ALK: variants seen among roughly 807,000 people sequenced by gnomAD.
ALK encodes ALK tyrosine kinase receptor.
A neutral mutation model predicts 163.1 loss-of-function variants in ALK; 74 were observed. The observed-to-expected ratio is 0.45, with a 90% confidence interval of 0.38 to 0.55. The LOEUF (loss-of-function observed/expected upper bound fraction) is 0.55, where lower values mean the gene tolerates loss of function less well. ALK is among the 20% of genes least tolerant of loss of function. The pLI is 0.00. For missense variants in ALK, 2,063 were observed against 2,105.3 expected (o/e 0.98, Z 0.39); for synonymous variants, 960 against 843.2 (o/e 1.14, Z -2.40).
intron 3 of ALK, among the ~76,000 whole-genome samples, chr2:29,653,279 G>A (rs1462144288): frequency 6.6e-6 from 1 of 152,040 alleles, no homozygotes; most frequent in Non-Finnish European, 1.5e-5. Flanking sequence ...CACCTGGATA[G>A]TTTAAAAACC....
chr2:29,540,212 T>C (rs145885547), intron 3 of ALK, among the ~76,000 whole-genome samples: 125 of 152,282 alleles, frequency 8.2e-4, no homozygotes, highest in African/African-American at 2.6e-3. Context: ...AGTTTCTTTA[T>C]AGGGTTCCTG....
At chr2:29,315,962 T>C (rs976283571) in intron 8 of ALK, among the ~76,000 whole-genome samples, 1 of 152,140 alleles carries the variant, frequency 6.6e-6, no homozygotes, top group African/African-American at 2.4e-5. Context: ...CTAGTGTCCA[T>C]CTTTCTGCAC....
intron 3 of ALK, among the ~76,000 whole-genome samples, chr2:29,598,121 C>A (rs986229177): frequency 2.0e-5 from 3 of 152,140 alleles, no homozygotes; most frequent in Admixed American, 1.3e-4. Context: ...TCTGCCTCCT[C>A]GGTTCAAGCG....
chr2:29,911,306 C>T (rs1309183624), intron 1 of ALK, among the ~76,000 whole-genome samples: 2 of 152,188 alleles, frequency 1.3e-5, no homozygotes, highest in African/African-American at 4.8e-5. Context: ...TCAGTAGAGC[C>T]AGCATAGCTG....
intron 27 of ALK, 99 bp downstream of exon 27, chr2:29,197,443 T>C (rs898721929): frequency 1.3e-6 from 2 of 1,557,022 alleles, no homozygotes; most frequent in Non-Finnish European, 1.7e-6. Flanking sequence ...AGGGCAGCCA[T>C]CTGCCCCTTC....
At chr2:29,430,565 A>C (rs2148073788) in intron 4 of ALK, among the ~76,000 whole-genome samples, 1 of 152,322 alleles carries the variant, frequency 6.6e-6, no homozygotes, top group East Asian at 1.9e-4. Context: ...TATTTATAAA[A>C]CCAGGTGGCT....
chr2:29,446,203 A>T (rs1369791459), intron 4 of ALK, among the ~76,000 whole-genome samples: 2 of 152,042 alleles, frequency 1.3e-5, no homozygotes, highest in East Asian at 3.9e-4. Context: ...CACAACAACC[A>T]GCAAATAGGG....
intron 3 of ALK, among the ~76,000 whole-genome samples, chr2:29,675,733 C>T (rs1677853625): frequency 6.6e-6 from 1 of 151,956 alleles, no homozygotes; most frequent in South Asian, 2.1e-4. Context: ...ATGAGTATAC[C>T]TTTCTGAGTA....
intron 1 of ALK, among the ~76,000 whole-genome samples, chr2:29,872,739 A>T (rs939517179): frequency 6.6e-6 from 1 of 152,222 alleles, no homozygotes; most frequent in African/African-American, 2.4e-5. Flanking sequence ...TCATAAGTCA[A>T]CCTACTGTAA....
chr2:29,750,630 GGGAAGGAAGGAAGGAAGGAA>G (rs1189354098), intron 1 of ALK, among the ~76,000 whole-genome samples: 2,460 of 71,888 alleles, frequency 0.034, 130 homozygotes, highest in African/African-American at 0.11. Context: ...GGAACAGAAT[GGGAAGGAAGGAAGGAAGGAA>G]GGAAGGAAGG....
At chr2:29,584,753 C>T (rs1558395919) in intron 3 of ALK, among the ~76,000 whole-genome samples, 1 of 152,188 alleles carries the variant, frequency 6.6e-6, no homozygotes, top group Non-Finnish European at 1.5e-5. Context: ...AGCATGGTGA[C>T]ATCAGTTGTA....
rs543907579 is a variant in ALK at position 29,232,591 on chromosome 2, G to C, written c.2488-143C>G. 419 of 1,139,232 alleles carry C rather than the reference G, an allele frequency of 3.7e-4. 1 individual carries two copies. The African/African-American group carries it at 5.5e-3, about 15-fold the overall frequency. 70.6% of individuals were successfully genotyped at this position (1,139,232 alleles called of 1,614,324 possible). ...CTCTCAGTGGTCTGAGGTGGTTTGC[G>C]GGCTCTGAACCCTTGTTACAATAGC... On this transcript the variant is annotated intron_variant, in intron 14 of 28. Coordinates refer to ENST00000389048, the MANE Select transcript of ALK (RefSeq NM_004304.5).
chr2:29,894,209 A>G (rs1222686868), intron 1 of ALK, among the ~76,000 whole-genome samples: 4 of 152,154 alleles, frequency 2.6e-5, no homozygotes. Context: ...TGTTTCCTTC[A>G]CAGTGCCTGG....
chr2:29,617,434 G>A (rs1302996879), intron 3 of ALK, among the ~76,000 whole-genome samples: 1 of 152,168 alleles, frequency 6.6e-6, no homozygotes, highest in Admixed American at 6.5e-5. Context: ...GCAAACCTTA[G>A]TTTCCTCTTC....
At chr2:29,696,663 C>T (rs1047073336) in intron 2 of ALK, among the ~76,000 whole-genome samples, 11 of 151,760 alleles carry the variant, frequency 7.2e-5, no homozygotes, top group African/African-American at 9.7e-5. Flanking sequence ...AGATCATTAG[C>T]GTATCATTAT....
At chr2:29,693,438 G>GACACAGAC (rs1558445324) in intron 3 of ALK, among the ~76,000 whole-genome samples, 3 of 61,416 alleles carry the variant, frequency 4.9e-5, no homozygotes, top group Non-Finnish European at 1.5e-4. Context: ...CACACACACA[G>GACACAGAC]ACACACACAC....
At chr2:29,823,992 G>A (rs911073284) in intron 1 of ALK, among the ~76,000 whole-genome samples, 1 of 152,182 alleles carries the variant, frequency 6.6e-6, no homozygotes, top group African/African-American at 2.4e-5. Context: ...GGAAAACATT[G>A]TTTGGTGGGC....
At chr2:29,829,861 T>A (rs1426849029) in intron 1 of ALK, among the ~76,000 whole-genome samples, 1 of 152,226 alleles carries the variant, frequency 6.6e-6, no homozygotes, top group African/African-American at 2.4e-5. Flanking sequence ...TGGACTTTGA[T>A]TTCTCTTTTT....
intron 1 of ALK, among the ~76,000 whole-genome samples, chr2:29,728,122 A>T (rs527588858): frequency 7.5e-5 from 10 of 133,248 alleles, no homozygotes; most frequent in South Asian, 4.2e-4. Context: ...GGATGTTTTT[A>T]AAAAAAAAAT....
Sources: gnomAD v4.1 joint callset for allele counts (sites outside exome capture counted in the v4.1 genomes callset) on GRCh38, gnomAD v4.1.1 for gene constraint, MANE v1.5 for transcripts, NCBI Gene and HGNC (gene_info 2026-07-23, HGNC 2026-07-21) for gene names.